The following KLF12 variants were observed in gnomAD, a reference collection of about 807,000 sequenced individuals.
KLF12 encodes the protein KLF transcription factor 12.
In KLF12, 9 loss-of-function variants were observed where a neutral mutation model predicts 37.8. The ratio of observed to expected loss-of-function variants is 0.24; its 90% CI spans 0.14 to 0.42. KLF12 has a LOEUF of 0.42. KLF12 is among the 10% of genes least tolerant of loss of function. KLF12 has a pLI of 1.00. For synonymous variants in KLF12, 208 were observed against 202.1 expected (o/e 1.03, Z -0.25); for missense variants, 411 against 516.0 (o/e 0.80, Z 1.97).
At chr13:73,827,478 A>G (rs185916959) in intron 4 of KLF12, among the ~76,000 whole-genome samples, 57 of 152,282 alleles carry the variant, frequency 3.7e-4, no homozygotes, top group African/African-American at 1.3e-3. Context: ...CCTCCCAAAT[A>G]CAAGATTGAG....
intron 3 of KLF12, among the ~76,000 whole-genome samples, chr13:73,895,279 A>C (rs1887709436): frequency 6.6e-6 from 1 of 152,170 alleles, no homozygotes; most frequent in African/African-American, 2.4e-5. Flanking sequence ...GATACATGAG[A>C]TCCTAGAACG....
chr13:73,791,453 A>T (rs1881684182), intron 5 of KLF12, among the ~76,000 whole-genome samples: 1 of 152,166 alleles, frequency 6.6e-6, no homozygotes, highest in African/African-American at 2.4e-5. Context: ...CAGGTTAAAA[A>T]ATATATATTG....
chr13:74,107,681 A>G (rs916006833), intron 1 of KLF12, among the ~76,000 whole-genome samples: 1 of 152,234 alleles, frequency 6.6e-6, no homozygotes, highest in African/African-American at 2.4e-5. Flanking sequence ...AATAAAAGGC[A>G]GAGAAATAAA....
the KLF12 span, among the ~76,000 whole-genome samples, chr13:74,167,701 A>G: frequency 2.0e-5 from 3 of 152,226 alleles, no homozygotes; most frequent in Non-Finnish European, 4.4e-5. Context: ...CTCGTGTTTA[A>G]TTTAATCCTC....
chr13:73,691,651 C>G lies in KLF12; in HGVS notation c.*3839G>C, dbSNP rs1342762952. ...TTTCTAAGCAGTCATAACAACATAA[C>G]AAAGGCGTATTAATACATTTTGAAG... On this transcript the variant is annotated 3_prime_UTR_variant, in exon 8 of 8. Coordinates refer to ENST00000377669, the MANE Select transcript of KLF12 (RefSeq NM_007249.5). The G allele has an allele frequency of 6.6e-6, 1 of 152,580 alleles. No individual in the cohort carries two copies. The highest frequency in any genetic ancestry group is 1.5e-5 in the Non-Finnish European group (1 of 68,018). The allele number at this position is 152,580 out of a possible 1,614,324, so 9.5% of individuals were successfully genotyped here.
intron 1 of KLF12, among the ~76,000 whole-genome samples, chr13:74,005,658 ACT>A (rs1371376827): frequency 6.6e-6 from 1 of 152,098 alleles, no homozygotes; most frequent in Non-Finnish European, 1.5e-5. Context: ...ATTACACATG[ACT>A]CTGTTCAACT....
the KLF12 span, among the ~76,000 whole-genome samples, chr13:74,239,815 T>C: frequency 3.1e-4 from 47 of 152,162 alleles, 1 homozygote; most frequent in East Asian, 9.1e-3. Flanking sequence ...CCTCCATCCT[T>C]TTATTTTGAG....
chr13:73,916,245 A>G lies in KLF12; in HGVS notation c.123+27736T>C, dbSNP rs1288063225. On this transcript the variant is annotated intron_variant, in intron 3 of 7. Transcript: ENST00000377669. ...CACACACACACACACACACACGCACACGCACACACACACACACACACAGCT... is the reference window on the plus strand; with the variant it reads ...CACACACACACACACACACACGCACGCGCACACACACACACACACACAGCT... Among the ~76,000 whole-genome samples, 6 of 32,798 alleles carry G rather than the reference A, an allele frequency of 1.8e-4. No homozygotes were observed. In the South Asian group the frequency reaches 4.9e-3, roughly 27 times the overall value. The allele number at this position is 32,798 out of a possible 152,430, so 21.5% of individuals were successfully genotyped here. A position where few individuals can be genotyped will look rare whatever the true frequency, so the allele number is the denominator to read the frequency against.
intron 1 of KLF12, among the ~76,000 whole-genome samples, chr13:74,059,668 A>T (rs1463260494): frequency 6.6e-6 from 1 of 152,030 alleles, no homozygotes. Flanking sequence ...GATTCCGGAT[A>T]TTATTAGTCC....
intron 1 of KLF12, among the ~76,000 whole-genome samples, chr13:74,078,646 T>G (rs1874705711): frequency 6.6e-6 from 1 of 152,210 alleles, no homozygotes; most frequent in South Asian, 2.1e-4. Context: ...TGATGCACTT[T>G]TATTCTCTAT....
At chr13:73,866,760 AAAAAGAGCAAAGG>A (rs1442441780) in intron 3 of KLF12, among the ~76,000 whole-genome samples, 4 of 152,306 alleles carry the variant, frequency 2.6e-5, no homozygotes, top group African/African-American at 9.6e-5. Context: ...ACAAGAAAGA[AAAAAGAGCAAAGG>A]AAAAGGTAAA....
intron 3 of KLF12, among the ~76,000 whole-genome samples, chr13:73,923,028 G>A (rs1360995284): frequency 1.3e-5 from 2 of 152,096 alleles, no homozygotes; most frequent in African/African-American, 4.8e-5. Context: ...CAAAAGATGT[G>A]GAATCTTTGG....
chr13:73,923,196 T>C (rs1889206569), intron 3 of KLF12, among the ~76,000 whole-genome samples: 1 of 152,230 alleles, frequency 6.6e-6, no homozygotes, highest in Non-Finnish European at 1.5e-5. Context: ...ATGACTAAAA[T>C]GTGAACTACT....
intron 1 of KLF12, among the ~76,000 whole-genome samples, chr13:74,015,870 T>C (rs1593831967): frequency 6.6e-6 from 1 of 152,182 alleles, no homozygotes. Flanking sequence ...ATTCTTAATA[T>C]CATTGTATTT....
Position 73,715,509 on chromosome 13 carries a change from T to A in KLF12, c.886A>T (p.Ser296Cys). 6.2e-7 allele frequency: 1 copy of A among 1,613,538 alleles called. No individual in the cohort carries two copies. Among genetic ancestry groups the A allele is most frequent in the Non-Finnish European group, 8.5e-7 (1 of 1,179,810 alleles). ...CTCTGGCGTCTTGTGCTCTCAATAC[T>A]AAATGGTGAAATTGAACTGGAAAAA... Residue 296 changes from serine (S) to cysteine (C), a missense_variant, in exon 7 of 8, where the codon AGT becomes TGT. This residue lies in a region of KLF12 where 351 missense variants were observed against 397.8 expected (regional missense o/e 0.88). Transcript: ENST00000377669.
At chr13:73,944,622 C>T (rs1890337397) in intron 2 of KLF12, among the ~76,000 whole-genome samples, 1 of 152,086 alleles carries the variant, frequency 6.6e-6, no homozygotes, top group Admixed American at 6.5e-5. Flanking sequence ...TAAAAACAAC[C>T]AACATAAATC....
chr13:73,820,992 T>C (rs1883495702), intron 4 of KLF12, among the ~76,000 whole-genome samples: 1 of 152,252 alleles, frequency 6.6e-6, no homozygotes, highest in Admixed American at 6.5e-5. Flanking sequence ...ACTTCATATC[T>C]GGCATCTTTA....
the KLF12 span, among the ~76,000 whole-genome samples, chr13:74,283,337 A>G: frequency 2.6e-5 from 4 of 152,258 alleles, no homozygotes; most frequent in African/African-American, 9.6e-5. Context: ...CATTAATAGC[A>G]TAATCCAAAA....
At chr13:74,001,957 A>C (rs1291494998) in intron 1 of KLF12, among the ~76,000 whole-genome samples, 1 of 152,270 alleles carries the variant, frequency 6.6e-6, no homozygotes, top group African/African-American at 2.4e-5. Flanking sequence ...TCTGAGCCAA[A>C]GAAACTTTTA....
Sources: gnomAD v4.1 joint callset for allele counts (sites outside exome capture counted in the v4.1 genomes callset) on GRCh38, gnomAD v4.1.1 for gene constraint, gnomAD v4.1.1 regional missense constraint, MANE v1.5 for transcripts, NCBI Gene and HGNC (gene_info 2026-07-23, HGNC 2026-07-21) for gene names.